Variants in SLC17A5 observed in about 807,000 individuals in gnomAD.
The protein encoded by SLC17A5 is sialin.
A neutral mutation model predicts 59.4 loss-of-function variants in SLC17A5; 47 were observed. That is an observed-to-expected ratio of 0.79 (90% CI 0.63 to 1.01). SLC17A5 has a LOEUF of 1.01. Among genes scored for constraint, SLC17A5 ranks in the 50% least tolerant of loss-of-function variants. The pLI is 0.00. For missense variants in SLC17A5, 522 were observed against 595.5 expected (o/e 0.88, Z 1.28); for synonymous variants, 202 against 210.7 (o/e 0.96, Z 0.36).
chr6:73,643,136 A>AATTTATTT (rs199849471), intron 2 of SLC17A5, among the ~76,000 whole-genome samples: 4 of 151,214 alleles, frequency 2.6e-5, no homozygotes, highest in African/African-American at 7.3e-5. Context: ...AATGGGTGAA[A>AATTTATTT]ATTTATTTAT....
rs181445016 is a variant in SLC17A5 at position 73,605,753 on chromosome 6, G to A, written c.1259+4647C>T. Among the ~76,000 whole-genome samples the A allele has an allele frequency of 1.1e-3, 163 of 151,994 alleles. 1 individual carries two copies. The highest frequency in any genetic ancestry group is 2.7e-3 in the Admixed American group (41 of 15,230). On this transcript the variant is annotated intron_variant, in intron 9 of 10. Transcript: ENST00000355773. ...AGCACTTTGGGAGGTTGAGGCTGGC[G>A]GATCACCTGAGGTCGGGAGTTCGAG...
chr6:73,619,929 T>G lies in SLC17A5; in HGVS notation c.978+1875A>C, dbSNP rs999665641. On this transcript the variant is annotated intron_variant, in intron 7 of 10. Transcript: ENST00000355773. ...ATATGATTTTGAGAATTTGTTTTTT[T>G]TTTTTTTTTTTTGAGATGGAGTCTT... Among the ~76,000 whole-genome samples, 8 of 149,266 alleles carry G rather than the reference T, an allele frequency of 5.4e-5. 1 individual carries two copies. The highest frequency in any genetic ancestry group is 6.7e-5 in the Admixed American group (1 of 14,938).
chr6:73,632,238 G>T (rs1768764147), intron 6 of SLC17A5, among the ~76,000 whole-genome samples: 1 of 141,456 alleles, frequency 7.1e-6, no homozygotes, highest in Non-Finnish European at 1.5e-5. Flanking sequence ...GGTTGAGGCT[G>T]CACTGAGCTG....
Position 73,653,815 on chromosome 6 carries a change from C to T in SLC17A5, c.72G>A (p.Pro24=), listed in dbSNP as rs974333245. The change falls in exon 1 of 11, where the codon CCG becomes CCA. Residue 24 remains proline, a synonymous_variant. Transcript: ENST00000355773. ...EESTDRTPLL[P]GAPRAEAAPV... ...TACCGGCTTCGGCCCGTGGGGCGCC[C>T]GGTAGAAGAGGCGTGCGGTCCGTGC... is the stretch of plus-strand genomic sequence containing the variant. 6.3e-7 allele frequency: 1 copy of T among 1,598,752 alleles called. No individual in the cohort carries two copies. The highest frequency in any genetic ancestry group is 2.3e-5 in the East Asian group (1 of 44,052).
chr6:73,624,595 G>T (rs558056010), intron 6 of SLC17A5, among the ~76,000 whole-genome samples: 6 of 151,868 alleles, frequency 4.0e-5, no homozygotes, highest in Non-Finnish European at 7.4e-5. Context: ...TAAATATACG[G>T]CCAGGCGTGG....
chr6:73,643,667 G>C (rs1240244136), intron 2 of SLC17A5, among the ~76,000 whole-genome samples: 1 of 151,868 alleles, frequency 6.6e-6, no homozygotes, highest in East Asian at 1.9e-4. Context: ...AGTAAAGACA[G>C]GGTTTCACCG....
intron 3 of SLC17A5, among the ~76,000 whole-genome samples, chr6:73,640,407 T>C (rs1387865251): frequency 1.3e-5 from 2 of 152,234 alleles, no homozygotes; most frequent in East Asian, 1.9e-4. Flanking sequence ...TTATCACATA[T>C]GAATTTTATA....
chr6:73,617,479 A>G (rs945942097), intron 7 of SLC17A5, among the ~76,000 whole-genome samples: 1 of 152,164 alleles, frequency 6.6e-6, no homozygotes, highest in African/African-American at 2.4e-5. Flanking sequence ...TCTGATCTTG[A>G]TTTTGTTTCC....
intron 2 of SLC17A5, among the ~76,000 whole-genome samples, chr6:73,642,765 G>C (rs760749061): frequency 6.6e-6 from 1 of 152,184 alleles, no homozygotes; most frequent in Non-Finnish European, 1.5e-5. Flanking sequence ...TCTTTCTACT[G>C]CTGATATAAG....
At chr6:73,634,450 A>T (rs1272462932) in intron 6 of SLC17A5, among the ~76,000 whole-genome samples, 5 of 152,210 alleles carry the variant, frequency 3.3e-5, no homozygotes, top group African/African-American at 1.2e-4. Context: ...CCCAGGCTGG[A>T]GTGCAGTGGC....
At chr6:73,601,433 G>A (rs1334994402) in intron 9 of SLC17A5, among the ~76,000 whole-genome samples, 22 of 137,598 alleles carry the variant, frequency 1.6e-4, no homozygotes, top group Admixed American at 5.7e-4. Flanking sequence ...CCCCGCGCCC[G>A]GCCAGCCGCC....
At position 73,615,520 on chromosome 6, in the gene SLC17A5, C is replaced by A. The variant is rs570819718; in HGVS notation, c.979-73G>T. 2.5e-5 allele frequency: 37 copies of A among 1,453,456 alleles called. 1 individual carries two copies. The South Asian group carries it at 4.2e-4, about 16-fold the overall frequency. The allele number at this position is 1,453,456 out of a possible 1,614,324, so 90.0% of individuals were successfully genotyped here. A position where few individuals can be genotyped will look rare whatever the true frequency, so the allele number is the denominator to read the frequency against. On this transcript the variant is annotated intron_variant, in intron 7 of 10. Transcript: ENST00000355773. ...ACAAAACATACACATTCATCACAGC[C>A]AATGACCACCACTTGAAAGCAAAGG...
chr6:73,600,434 C>T lies in SLC17A5; in HGVS notation c.1267G>A (p.Gly423Ser). The T allele has an allele frequency of 6.2e-7, 1 of 1,612,476 alleles. No homozygotes were observed. ...GTATTTGTGATGCCCAGGAGGATAC[C>T]AGCATACCTGTAGAAACATTTTCAT... ...NHLDIAPSYA[G>S]ILLGITNTFA... The change falls in exon 10 of 11, where the codon GGT becomes AGT. Residue 423 changes from glycine to serine, a missense_variant. Transcript: ENST00000355773.
intron 9 of SLC17A5, among the ~76,000 whole-genome samples, chr6:73,603,525 A>G (rs1485983407): frequency 6.7e-6 from 1 of 149,386 alleles, no homozygotes; most frequent in African/African-American, 2.5e-5. Flanking sequence ...AGTTCAAGTG[A>G]TTCTCCTTCC....
intron 4 of SLC17A5, among the ~76,000 whole-genome samples, chr6:73,637,201 T>G (rs1171569464): frequency 6.6e-6 from 1 of 152,134 alleles, no homozygotes; most frequent in Admixed American, 6.5e-5. Flanking sequence ...GCTTGGGAAC[T>G]TCATTTGGGT....
intron 10 of SLC17A5, among the ~76,000 whole-genome samples, chr6:73,595,516 A>ACTATATATAAAGCCCAAACC (rs1766753171): frequency 1.3e-5 from 2 of 152,192 alleles, no homozygotes; most frequent in Non-Finnish European, 2.9e-5. Flanking sequence ...CCAAAGTCAG[A>ACTATATATAAAGCCCAAACC]CCATACTAAT....
At chr6:73,642,383 G>T (rs892539088) in intron 2 of SLC17A5, among the ~76,000 whole-genome samples, 14 of 152,302 alleles carry the variant, frequency 9.2e-5, no homozygotes, top group African/African-American at 3.1e-4. Flanking sequence ...TGGGAACCAG[G>T]CTTGGTTTTA....
At chr6:73,644,361 GTAT>G in intron 2 of SLC17A5, 43 bp downstream of exon 2, 1 of 1,439,848 alleles carries the variant, frequency 6.9e-7, no homozygotes, top group Non-Finnish European at 9.7e-7. Flanking sequence ...TTACTTGCAA[GTAT>G]TTTAGGATAA....
rs56306141 is a variant in SLC17A5, at chr6:73,616,546, TACACACACAC to T, written c.979-1109_979-1100del. 3.1e-4 allele frequency among the ~76,000 whole-genome samples: 39 copies of T among 126,336 alleles called. No individual in the cohort carries two copies. In the East Asian group the frequency reaches 5.0e-3, roughly 16 times the overall value. 82.9% of individuals were successfully genotyped at this position (126,336 alleles called of 152,430 possible). ...AAAAGTGCATTACATGTTTATTTAC[TACACACACAC>T]ACACACACACACACACACACACACG... is the stretch of plus-strand genomic sequence containing the variant. On this transcript the variant is annotated intron_variant, in intron 7 of 10. Coordinates refer to ENST00000355773, the MANE Select transcript of SLC17A5 (RefSeq NM_012434.5).
Sources: gnomAD v4.1 joint callset for allele counts (sites outside exome capture counted in the v4.1 genomes callset) on GRCh38, gnomAD v4.1.1 for gene constraint, MANE v1.5 for transcripts, NCBI Gene and HGNC (gene_info 2026-07-23, HGNC 2026-07-21) for gene names.